The following SAMD3 variants were observed in gnomAD, a reference collection of about 807,000 sequenced individuals.
SAMD3 encodes the protein sterile alpha motif domain containing 3, also known as sterile alpha motif domain-containing protein 3.
SAMD3 carries 63 observed loss-of-function variants against 58.5 expected under a neutral mutation model. The observed-to-expected ratio is 1.08, with a 90% CI of 0.88 to 1.33. The LOEUF (loss-of-function observed/expected upper bound fraction) is 1.33. Ranked by LOEUF, SAMD3 falls within the 40% of genes most tolerant of loss-of-function variation. The probability of loss-of-function intolerance (pLI) is 0.00; values close to 1 mark genes in which losing one functional copy is unlikely to be tolerated. For synonymous variants in SAMD3, 220 were observed against 210.3 expected (o/e 1.05, Z -0.40); for missense variants, 604 against 608.4 (o/e 0.99, Z 0.08).
At chr6:130,276,234 G>A (rs989829046) in intron 2 of SAMD3, among the ~76,000 whole-genome samples, 5 of 152,098 alleles carry the variant, frequency 3.3e-5, no homozygotes, top group African/African-American at 1.2e-4. Context: ...AGGAACTCAG[G>A]CCTAATGATA....
intron 2 of SAMD3, among the ~76,000 whole-genome samples, chr6:130,301,360 A>C (rs1775740672): frequency 6.6e-6 from 1 of 152,194 alleles, no homozygotes; most frequent in Non-Finnish European, 1.5e-5. Flanking sequence ...AATACTTAGG[A>C]ATACACTAAA....
chr6:130,278,917 A>G (rs1312345648), intron 2 of SAMD3, among the ~76,000 whole-genome samples: 1 of 152,116 alleles, frequency 6.6e-6, no homozygotes, highest in Non-Finnish European at 1.5e-5. Context: ...GGGAGACACG[A>G]TGTGGTTAGA....
intron 10 of SAMD3, among the ~76,000 whole-genome samples, 156 bp downstream of exon 10, chr6:130,145,854 A>T (rs1308838283): frequency 6.6e-6 from 1 of 151,750 alleles, no homozygotes; most frequent in African/African-American, 2.4e-5. Flanking sequence ...ATTATTATTA[A>T]ATATATTTTA....
At chr6:130,216,812 A>G (rs1796028629) in intron 1 of SAMD3, among the ~76,000 whole-genome samples, 196 bp from the exon 2 acceptor site, 1 of 152,198 alleles carries the variant, frequency 6.6e-6, no homozygotes, top group Admixed American at 6.5e-5. Context: ...AGGGTGTGAA[A>G]AGTCATTATT....
At chr6:130,254,933 C>T (rs1773874368) in intron 2 of SAMD3, among the ~76,000 whole-genome samples, 1 of 151,562 alleles carries the variant, frequency 6.6e-6, no homozygotes, top group Non-Finnish European at 1.5e-5. Flanking sequence ...TGTAAATAAT[C>T]ATTGCTTAAA....
At position 130,154,880 on chromosome 6, in the gene SAMD3, C is replaced by A. The variant is rs765384203; in HGVS notation, c.968G>T (p.Arg323Leu). ...TTTAAGAATGTCCTTCAGAGGTGTT[C>A]GGCTGCCAATCATCTTTCTTCTTAT... ...LEIRRKMIGSRTPLKDILKLF... is the reference protein window; with the variant it reads ...LEIRRKMIGSLTPLKDILKLF... The change falls in exon 9 of 12, where the codon CGA (arginine) becomes CTA (leucine). Residue 323 changes from arginine (R) to leucine (L), a missense_variant. Transcript: ENST00000439090. 1.2e-6 allele frequency: 2 copies of A among 1,613,056 alleles called. No homozygotes were observed. The highest frequency in any genetic ancestry group is 1.3e-5 in the African/African-American group (1 of 74,718).
At chr6:130,280,446 C>T (rs1774940919) in intron 2 of SAMD3, among the ~76,000 whole-genome samples, 1 of 152,168 alleles carries the variant, frequency 6.6e-6, no homozygotes, top group African/African-American at 2.4e-5. Flanking sequence ...CTCTTCTCTT[C>T]TCTCACATGC....
At chr6:130,147,119 A>G (rs1480651223) in intron 9 of SAMD3, among the ~76,000 whole-genome samples, 2 of 152,114 alleles carry the variant, frequency 1.3e-5, no homozygotes. Context: ...GGATTCCACC[A>G]CCACTCCCCC....
At chr6:130,171,488 GCAGGCTGTTCAATTTC>G (rs1283903576) in intron 8 of SAMD3, among the ~76,000 whole-genome samples, 1 of 152,130 alleles carries the variant, frequency 6.6e-6, no homozygotes, top group Non-Finnish European at 1.5e-5. Flanking sequence ...TCATTCAGGA[GCAGGCTGTTCAATTTC>G]CATGTAGTTG....
In SAMD3 at chr6:130,215,281, T is replaced by A. The variant is rs773685298; in HGVS notation, c.-8A>T. The stretch of plus-strand genomic sequence containing the variant: ...AACTGACCAGGTTTCCATTGCTGTC[T>A]CCTGTAAATACACCTGTAGAGCAAA... On this transcript the variant is annotated 5_prime_UTR_variant, in exon 3 of 12. Transcript: ENST00000439090. The A allele has an allele frequency of 3.1e-6, 5 of 1,602,420 alleles. No individual in the cohort carries two copies. The South Asian group carries it at 4.4e-5, about 14-fold the overall frequency.
At chr6:130,298,784 A>G (rs1238235382) in intron 2 of SAMD3, among the ~76,000 whole-genome samples, 2 of 152,168 alleles carry the variant, frequency 1.3e-5, no homozygotes, top group Non-Finnish European at 2.9e-5. Context: ...GGGATGGAGA[A>G]AGATCAATCA....
At chr6:130,277,329 A>G (rs927899577) in intron 2 of SAMD3, among the ~76,000 whole-genome samples, 3 of 152,192 alleles carry the variant, frequency 2.0e-5, no homozygotes, top group Non-Finnish European at 4.4e-5. Flanking sequence ...CATTCCTCCC[A>G]TGGTTAGCTT....
chr6:130,323,655 T>A (rs1011605681), intron 1 of SAMD3, among the ~76,000 whole-genome samples: 1 of 151,824 alleles, frequency 6.6e-6, no homozygotes, highest in Non-Finnish European at 1.5e-5. Flanking sequence ...ATACAAAACT[T>A]ATCTGGGCGT....
chr6:130,145,408 C>T lies in SAMD3; in HGVS notation c.1210G>A (p.Ala404Thr). Reference sequence around the variant, plus strand: ...ACATCTGGGAGGAGTAAACATGTGGCTGTCATCTTCATGTCTGTCAAAGCA... The same window carrying T: ...ACATCTGGGAGGAGTAAACATGTGGTTGTCATCTTCATGTCTGTCAAAGCA... ...EDMLKYMKMTATCLLLPDVFG... is the reference protein window; with the variant it reads ...EDMLKYMKMTTTCLLLPDVFG... Residue 404 changes from alanine to threonine, a missense_variant, in exon 11 of 12, where the codon GCC becomes ACC. Transcript: ENST00000439090. The T allele has an allele frequency of 1.2e-6, 2 of 1,610,292 alleles. No individual in the cohort carries two copies.
intron 5 of SAMD3, among the ~76,000 whole-genome samples, chr6:130,208,059 C>T (rs1234977494): frequency 1.3e-5 from 2 of 152,202 alleles, no homozygotes; most frequent in African/African-American, 4.8e-5. Context: ...GAAAAAATAG[C>T]TAGAAATCCT....
chr6:130,302,930 G>A (rs1775802608), intron 2 of SAMD3, among the ~76,000 whole-genome samples: 1 of 152,094 alleles, frequency 6.6e-6, no homozygotes, highest in Admixed American at 6.6e-5. Flanking sequence ...AAATTTGAGG[G>A]GGCAAGGGTT....
chr6:130,166,367 A>G (rs1281554092), intron 8 of SAMD3, among the ~76,000 whole-genome samples: 1 of 152,222 alleles, frequency 6.6e-6, no homozygotes, highest in Non-Finnish European at 1.5e-5. Flanking sequence ...TGCAATATAG[A>G]ATGGCATAAG....
intron 8 of SAMD3, among the ~76,000 whole-genome samples, chr6:130,162,632 C>T (rs538124840): frequency 5.3e-5 from 8 of 152,170 alleles, no homozygotes; most frequent in Non-Finnish European, 8.8e-5. Flanking sequence ...TGAGTCACTG[C>T]ATCTGGTCCC....
At chr6:130,228,810 T>C (rs1796457953) in intron 2 of SAMD3, among the ~76,000 whole-genome samples, 1 of 152,200 alleles carries the variant, frequency 6.6e-6, no homozygotes, top group Non-Finnish European at 1.5e-5. Context: ...TACGTGTGTC[T>C]GGGATCATTC....
Sources: gnomAD v4.1 joint callset for allele counts (sites outside exome capture counted in the v4.1 genomes callset) on GRCh38, gnomAD v4.1.1 for gene constraint, MANE v1.5 for transcripts, NCBI Gene and HGNC (gene_info 2026-07-23, HGNC 2026-07-21) for gene names.